The following C12orf42 variants were observed in gnomAD, a reference collection of about 807,000 sequenced individuals.
C12orf42 encodes the protein uncharacterized protein C12orf42.
Under a neutral mutation model 21.6 loss-of-function variants are expected in C12orf42, and 25 were observed. The ratio of observed to expected loss-of-function variants is 1.16; its 90% CI spans 0.84 to 1.62. The LOEUF (loss-of-function observed/expected upper bound fraction) is 1.62, where lower values mean the gene tolerates loss of function less well. C12orf42 is among the 40% of genes most tolerant of loss of function. The pLI is 0.00. For synonymous variants in C12orf42, 174 were observed against 175.0 expected (o/e 0.99, Z 0.05); for missense variants, 483 against 459.3 (o/e 1.05, Z -0.47).
the C12orf42 span, among the ~76,000 whole-genome samples, chr12:103,054,708 G>T: frequency 2.0e-5 from 3 of 151,820 alleles, no homozygotes; most frequent in Non-Finnish European, 4.4e-5. Context: ...AGTAGTGGTA[G>T]GTTTTTCTGT....
At chr12:103,492,606 G>A (rs1444390884) in intron 1 of C12orf42, among the ~76,000 whole-genome samples, 5 of 152,014 alleles carry the variant, frequency 3.3e-5, no homozygotes, top group Non-Finnish European at 1.5e-5. Context: ...TTCCTTCCCT[G>A]ATGCAAACTG....
rs544208841 is a variant in C12orf42, at chr12:103,427,139, C to T, written c.79-25464G>A. ...ACCTTAAATGTAAATGGGCTAAATG[C>T]CCCAATTAAAAGACACAGACTGGCA... On this transcript the variant is annotated intron_variant, in intron 2 of 5. Transcript: ENST00000548883. 1.3e-4 allele frequency among the ~76,000 whole-genome samples: 19 copies of T among 151,734 alleles called. 1 individual carries two copies. In the South Asian group the frequency reaches 3.5e-3, roughly 28 times the overall value.
intron 4 of C12orf42, among the ~76,000 whole-genome samples, chr12:103,350,979 T>C (rs1160520821): frequency 6.6e-6 from 1 of 152,186 alleles, no homozygotes; most frequent in Non-Finnish European, 1.5e-5. Context: ...CAGGTTTAAC[T>C]GTCAGTTTCA....
At chr12:103,093,561 G>C in the C12orf42 span, among the ~76,000 whole-genome samples, 85 of 152,222 alleles carry the variant, frequency 5.6e-4, no homozygotes, top group African/African-American at 1.9e-3. Context: ...GGAAAGGTGA[G>C]AGGAACAAAG....
At chr12:103,276,713 A>G (rs544336309) in intron 5 of C12orf42, among the ~76,000 whole-genome samples, 1 of 152,216 alleles carries the variant, frequency 6.6e-6, no homozygotes, top group Non-Finnish European at 1.5e-5. Context: ...TTTGGGAGTG[A>G]TGTGATTTAT....
chr12:103,464,347 G>A (rs1435611708), intron 2 of C12orf42, among the ~76,000 whole-genome samples: 1 of 151,140 alleles, frequency 6.6e-6, no homozygotes, highest in African/African-American at 2.4e-5. Flanking sequence ...TTTTTCATAT[G>A]TTTCTTGGCC....
At chr12:103,378,454 TGGC>T (rs2045895514) in intron 3 of C12orf42, among the ~76,000 whole-genome samples, 1 of 152,144 alleles carries the variant, frequency 6.6e-6, no homozygotes, top group African/African-American at 2.4e-5. Flanking sequence ...AAAGTAGTAA[TGGC>T]CATGCTTCTT....
At chr12:103,255,722 A>C (rs2034527708) in intron 10 of C12orf42, among the ~76,000 whole-genome samples, 1 of 151,916 alleles carries the variant, frequency 6.6e-6, no homozygotes, top group African/African-American at 2.4e-5. Context: ...TTACTTCAAA[A>C]GTTTCTGCTT....
chr12:103,049,048 A>G, the C12orf42 span, among the ~76,000 whole-genome samples: 1 of 152,196 alleles, frequency 6.6e-6, no homozygotes, highest in Admixed American at 6.5e-5. Flanking sequence ...TGATGATTTC[A>G]TCCATTCCCA....
chr12:103,516,369 C>T, the C12orf42 span, among the ~76,000 whole-genome samples: 3 of 152,104 alleles, frequency 2.0e-5, no homozygotes. Flanking sequence ...CAACATAGAC[C>T]ATATGATACA....
the C12orf42 span, among the ~76,000 whole-genome samples, chr12:103,094,205 A>G: frequency 3.3e-5 from 5 of 152,042 alleles, no homozygotes; most frequent in Non-Finnish European, 4.4e-5. Flanking sequence ...CCTCCCACCT[A>G]TTTTGCCCTT....
chr12:103,166,150 T>C, the C12orf42 span, among the ~76,000 whole-genome samples: 370 of 152,222 alleles, frequency 2.4e-3, no homozygotes, highest in Non-Finnish European at 4.2e-3. Context: ...TCAGCCTCTC[T>C]AGGTTTGAAT....
intron 2 of C12orf42, among the ~76,000 whole-genome samples, chr12:103,462,564 C>T (rs1952811503): frequency 1.3e-5 from 2 of 152,138 alleles, no homozygotes; most frequent in South Asian, 4.1e-4. Context: ...AAAAGCCACA[C>T]ACAAAATATA....
intron 4 of C12orf42, among the ~76,000 whole-genome samples, chr12:103,362,862 A>C (rs1409207241): frequency 6.6e-6 from 1 of 152,062 alleles, no homozygotes; most frequent in Non-Finnish European, 1.5e-5. Context: ...TTAAATGACC[A>C]AACCTAAGGA....
At chr12:103,368,250 T>G (rs1381619261) in intron 4 of C12orf42, 8 of 416,060 alleles carry the variant, frequency 1.9e-5, no homozygotes, top group Middle Eastern at 3.6e-4. Context: ...TCAATTTATT[T>G]AGGGAAATCA....
chr12:103,124,155 CTTTTTTTTTTTTTT>C, the C12orf42 span, among the ~76,000 whole-genome samples: 146 of 75,998 alleles, frequency 1.9e-3, 1 homozygote, highest in African/African-American at 6.7e-3. Flanking sequence ...CAAACATAAG[CTTTTTTTTTTTTTT>C]TTTTTTTTTT....
the C12orf42 span, among the ~76,000 whole-genome samples, chr12:103,053,104 A>C: frequency 6.6e-6 from 1 of 151,984 alleles, no homozygotes. Flanking sequence ...ATTCTACAAG[A>C]TTATCATGAC....
the C12orf42 span, chr12:103,558,580 A>G: frequency 6.6e-6 from 1 of 152,226 alleles, no homozygotes; most frequent in Non-Finnish European, 1.5e-5. Context: ...CATGTACCCC[A>G]AATGTCATTC....
At chr12:103,243,073 G>A (rs967992002) in intron 10 of C12orf42, among the ~76,000 whole-genome samples, 2 of 152,058 alleles carry the variant, frequency 1.3e-5, no homozygotes, top group Non-Finnish European at 2.9e-5. Flanking sequence ...GTTTAGGCTA[G>A]AGTGCAGTGG....
Sources: allele counts gnomAD v4.1 joint callset (sites outside exome capture counted in the v4.1 genomes callset), GRCh38; gene constraint gnomAD v4.1.1; transcripts MANE v1.5; gene names NCBI Gene and HGNC (gene_info 2026-07-23, HGNC 2026-07-21).